The following PPP3CA variants were observed in gnomAD, a reference collection of about 807,000 sequenced individuals.
PPP3CA encodes protein phosphatase 3 catalytic subunit alpha, also known as CAM-PRP catalytic subunit.
PPP3CA carries 14 observed loss-of-function variants against 66.5 expected under a neutral mutation model. The ratio of observed to expected loss-of-function variants is 0.21; its 90% confidence interval spans 0.14 to 0.33. The LOEUF is 0.33. Ranked by LOEUF, PPP3CA falls within the 10% of genes least tolerant of loss-of-function variation. The pLI, the probability that PPP3CA is intolerant of heterozygous loss-of-function variation, is 1.00. For missense variants in PPP3CA, 317 were observed against 639.5 expected, an observed-to-expected ratio of 0.50 and a Z score of 5.44; for synonymous variants, 232 against 226.2, an observed-to-expected ratio of 1.03 and a Z score of -0.23.
At chr4:101,137,358 C>T (rs1050501027) in intron 2 of PPP3CA, among the ~76,000 whole-genome samples, 1 of 152,042 alleles carries the variant, frequency 6.6e-6, no homozygotes, top group Non-Finnish European at 1.5e-5. Flanking sequence ...CCCTGAAATA[C>T]AACTAAAAGA....
chr4:101,128,617 C>T (rs944201746), intron 2 of PPP3CA, among the ~76,000 whole-genome samples: 1 of 151,520 alleles, frequency 6.6e-6, no homozygotes, highest in Admixed American at 6.6e-5. Context: ...CAGGGCGGGG[C>T]GTCACCTTAC....
intron 10 of PPP3CA, among the ~76,000 whole-genome samples, chr4:101,057,932 A>G (rs1437920339): frequency 6.6e-6 from 1 of 152,076 alleles, no homozygotes; most frequent in Non-Finnish European, 1.5e-5. Context: ...ACCTCTCCTC[A>G]TCTCTTTCTT....
intron 2 of PPP3CA, among the ~76,000 whole-genome samples, chr4:101,114,516 G>A (rs778272949): frequency 3.9e-5 from 6 of 151,966 alleles, no homozygotes; most frequent in African/African-American, 9.7e-5. Context: ...TCCCTAAGTC[G>A]GGTCACTCAG....
chr4:101,151,206 T>C (rs1723125892), intron 2 of PPP3CA, among the ~76,000 whole-genome samples: 1 of 152,136 alleles, frequency 6.6e-6, no homozygotes, highest in Non-Finnish European at 1.5e-5. Flanking sequence ...GAATAATCAA[T>C]GTTCTGGCCA....
At chr4:101,208,910 G>T (rs1725219631) in intron 1 of PPP3CA, among the ~76,000 whole-genome samples, 2 of 152,064 alleles carry the variant, frequency 1.3e-5, no homozygotes, top group African/African-American at 4.8e-5. Context: ...TTTCTTAAAT[G>T]ATATGTAGGG....
chr4:101,167,379 A>G (rs754272206), intron 2 of PPP3CA, among the ~76,000 whole-genome samples: 2 of 152,198 alleles, frequency 1.3e-5, no homozygotes, highest in African/African-American at 2.4e-5. Context: ...CAGCTTTAGT[A>G]AAAAAGCATC....
chr4:101,121,426 T>A (rs1051137107), intron 2 of PPP3CA, among the ~76,000 whole-genome samples: 2 of 152,116 alleles, frequency 1.3e-5, no homozygotes, highest in African/African-American at 4.8e-5. Context: ...TCTTAATACA[T>A]AGTTTTAAGA....
intron 1 of PPP3CA, among the ~76,000 whole-genome samples, chr4:101,229,017 A>G (rs1044569931): frequency 6.6e-6 from 1 of 151,698 alleles, no homozygotes; most frequent in Non-Finnish European, 1.5e-5. Context: ...CACTAAAACA[A>G]TAAGCTGTTT....
At chr4:101,241,603 T>C (rs1343222980) in intron 1 of PPP3CA, among the ~76,000 whole-genome samples, 1 of 152,140 alleles carries the variant, frequency 6.6e-6, no homozygotes, top group Non-Finnish European at 1.5e-5. Flanking sequence ...ATGCTTACTA[T>C]TTTCCAGGTC....
chr4:101,311,505 C>A (rs1728721207), intron 1 of PPP3CA, among the ~76,000 whole-genome samples: 1 of 152,200 alleles, frequency 6.6e-6, no homozygotes, highest in South Asian at 2.1e-4. Flanking sequence ...CTTGGCCAGG[C>A]ACAGTGGCTT....
intron 1 of PPP3CA, among the ~76,000 whole-genome samples, chr4:101,221,535 C>G (rs770397041): frequency 5.0e-4 from 76 of 151,552 alleles, no homozygotes; most frequent in Admixed American, 1.7e-3. Context: ...CAATTCCCAA[C>G]TGGAATTCTG....
chr4:101,289,049 TA>T, intron 1 of PPP3CA, among the ~76,000 whole-genome samples: 1 of 151,814 alleles, frequency 6.6e-6, no homozygotes, highest in East Asian at 1.9e-4. Flanking sequence ...GTTTCAATTT[TA>T]AAAAAAAGAA....
intron 1 of PPP3CA, among the ~76,000 whole-genome samples, chr4:101,242,526 T>C (rs1183130775): frequency 3.1e-5 from 3 of 96,650 alleles, no homozygotes; most frequent in Non-Finnish European, 9.6e-5. Context: ...AAGGAAAATA[T>C]TGGTTTAAAT....
intron 2 of PPP3CA, among the ~76,000 whole-genome samples, chr4:101,124,707 AAGAAAGAAAGAAAGAAAGAGAAAGAAAG>A (rs1722154626): frequency 2.9e-5 from 3 of 105,134 alleles, no homozygotes; most frequent in African/African-American, 1.2e-4. Context: ...GAAAGAAAGA[AAGAAAGAAAGAAAGAAAGAGAAAGAAAG>A]AAAGAAAGAA....
chr4:101,067,357 C>T (rs1480673310), intron 8 of PPP3CA, among the ~76,000 whole-genome samples: 1 of 151,862 alleles, frequency 6.6e-6, no homozygotes, highest in East Asian at 1.9e-4. Flanking sequence ...ATGGGGAAGG[C>T]GGACTGAACC....
intron 3 of PPP3CA, among the ~76,000 whole-genome samples, chr4:101,102,362 G>T (rs1049175448): frequency 1.3e-5 from 2 of 151,432 alleles, no homozygotes; most frequent in Non-Finnish European, 2.9e-5. Context: ...GAGAGAGAGA[G>T]AATATAACTC....
At chr4:101,323,851 T>C (rs1440293154) in intron 1 of PPP3CA, among the ~76,000 whole-genome samples, 1 of 152,088 alleles carries the variant, frequency 6.6e-6, no homozygotes, top group Non-Finnish European at 1.5e-5. Flanking sequence ...TGGTGGCTCA[T>C]GCCTCCCAGC....
intron 1 of PPP3CA, among the ~76,000 whole-genome samples, chr4:101,286,942 T>G (rs1008768911): frequency 1.3e-5 from 2 of 152,134 alleles, no homozygotes; most frequent in African/African-American, 4.8e-5. Context: ...CAGCTGGGAC[T>G]TGAACCTGTA....
rs749486569 is a variant in PPP3CA at position 101,228,235 on chromosome 4, T to A, written c.59-32119A>T. Among the ~76,000 whole-genome samples the A allele has an allele frequency of 7.2e-5, 11 of 151,754 alleles. 1 individual carries two copies. Among genetic ancestry groups the A allele is most frequent in the Admixed American group, 7.2e-4 (11 of 15,190 alleles). On this transcript the variant is annotated intron_variant, in intron 1 of 13. Transcript: ENST00000394854. ...AACAGAACTCTCTTTGAAATCACCATGAGACTGCTCTTTCAGAGTATACTT... is the reference window on the plus strand; with the variant it reads ...AACAGAACTCTCTTTGAAATCACCAAGAGACTGCTCTTTCAGAGTATACTT...
Sources: gnomAD v4.1 joint callset for allele counts (sites outside exome capture counted in the v4.1 genomes callset) on GRCh38, gnomAD v4.1.1 for gene constraint, MANE v1.5 for transcripts, NCBI Gene and HGNC (gene_info 2026-07-23, HGNC 2026-07-21) for gene names.